The following PPIL1 variants were observed in gnomAD, a reference collection of about 807,000 sequenced individuals.
PPIL1 encodes the protein peptidylprolyl isomerase like 1.
In PPIL1, 14 loss-of-function variants were observed where a neutral mutation model predicts 19.4. The observed-to-expected ratio is 0.72, with a 90% confidence interval of 0.48 to 1.13. PPIL1 has a LOEUF of 1.13. Ranked by LOEUF, PPIL1 falls within the 50% of genes most tolerant of loss-of-function variation. The probability of loss-of-function intolerance (pLI) is 0.00; values close to 1 mark genes in which losing one functional copy is unlikely to be tolerated. For synonymous variants in PPIL1, 72 were observed against 73.6 expected (o/e 0.98, Z 0.11); for missense variants, 192 against 218.0 (o/e 0.88, Z 0.75).
intron 2 of PPIL1, among the ~76,000 whole-genome samples, chr6:36,864,151 C>T (rs892280876): frequency 2.6e-5 from 4 of 151,910 alleles, no homozygotes. Flanking sequence ...TTGCTTCCAG[C>T]CTTGCCTCCC....
intron 2 of PPIL1, among the ~76,000 whole-genome samples, chr6:36,860,427 A>G (rs1343178017): frequency 6.6e-6 from 1 of 151,108 alleles, no homozygotes; most frequent in Non-Finnish European, 1.5e-5. Flanking sequence ...GCGCCATTGC[A>G]CTCCTGTCTG....
At chr6:36,872,639 CCT>C (rs1048467415) in intron 1 of PPIL1, among the ~76,000 whole-genome samples, 162 of 151,948 alleles carry the variant, frequency 1.1e-3, no homozygotes, top group African/African-American at 3.6e-3. Context: ...GAAAGGGTCT[CCT>C]CTGTCACCCA....
At chr6:36,866,818 G>A (rs74906731) in intron 2 of PPIL1, among the ~76,000 whole-genome samples, 1,828 of 152,274 alleles carry the variant, frequency 0.012, 46 homozygotes, top group African/African-American at 0.04. Flanking sequence ...AAAGAAAGTA[G>A]AATGAAGCAG....
intron 1 of PPIL1, among the ~76,000 whole-genome samples, chr6:36,873,472 AG>A (rs1327136520): frequency 6.6e-6 from 1 of 152,366 alleles, no homozygotes; most frequent in East Asian, 1.9e-4. Flanking sequence ...AAAAAACATG[AG>A]AGAGGTTTAT....
chr6:36,869,752 G>T (rs979824394), intron 2 of PPIL1, among the ~76,000 whole-genome samples: 1 of 152,098 alleles, frequency 6.6e-6, no homozygotes, highest in Non-Finnish European at 1.5e-5. Context: ...AATTAAGGTC[G>T]GGGAAAAATA....
At chr6:36,856,170 G>A in intron 3 of PPIL1, 137 bp from the exon 4 acceptor site, 2 of 881,942 alleles carry the variant, frequency 2.3e-6, no homozygotes, top group South Asian at 1.7e-5. Context: ...AACCCCTCAG[G>A]GCAGTCTCTC....
chr6:36,867,878 G>A (rs921136085), intron 2 of PPIL1, among the ~76,000 whole-genome samples: 2 of 152,246 alleles, frequency 1.3e-5, no homozygotes, highest in African/African-American at 2.4e-5. Context: ...TTCCACATAA[G>A]TGGGGAGAAT....
chr6:36,872,487 C>T (rs148619512), intron 1 of PPIL1, among the ~76,000 whole-genome samples: 48 of 152,256 alleles, frequency 3.2e-4, no homozygotes, highest in African/African-American at 1.1e-3. Context: ...TTTGCACCTA[C>T]CCAATAGGAT....
rs1238453611 is a variant in PPIL1, at chr6:36,856,648, C to T, written c.218G>A (p.Gly73Asp). 5 of 1,614,032 alleles carry T rather than the reference C, an allele frequency of 3.1e-6. No individual in the cohort carries two copies. In the African/African-American group the frequency reaches 5.3e-5, roughly 17 times the overall value. ...QGGDPTGTGR[G>D]GASIYGKQFE... is the part of the protein sequence containing the mutation. ...CTGTTTGCCATAGATAGATGCACCA[C>T]CTCGACCTGCCCGATTGGAAGATGA... The change falls in exon 3 of 4, where the codon GGT becomes GAT. Residue 73 changes from glycine (G) to aspartate (D), a missense_variant. Gly to Asp is a moderately conservative substitution (Grantham distance 94). Coordinates refer to ENST00000373699, the MANE Select transcript of PPIL1 (RefSeq NM_016059.5).
chr6:36,874,183 T>A (rs1774582801), intron 1 of PPIL1, among the ~76,000 whole-genome samples: 1 of 152,204 alleles, frequency 6.6e-6, no homozygotes, highest in Non-Finnish European at 1.5e-5. Context: ...TTGCTAAGAT[T>A]AAACTAAATG....
chr6:36,865,341 C>G (rs13205292), intron 2 of PPIL1, among the ~76,000 whole-genome samples: 11,142 of 152,236 alleles, frequency 0.073, 422 homozygotes, highest in South Asian at 0.099. Context: ...GTCTAGGAGT[C>G]TCCATTAACT....
intron 2 of PPIL1, among the ~76,000 whole-genome samples, chr6:36,858,025 C>T (rs1452544928): frequency 1.4e-4 from 21 of 151,490 alleles, no homozygotes; most frequent in Admixed American, 9.2e-4. Context: ...GTCATGAGTT[C>T]GAGACCAGCC....
chr6:36,873,211 T>C (rs1204805086), intron 1 of PPIL1, among the ~76,000 whole-genome samples: 2 of 152,228 alleles, frequency 1.3e-5, no homozygotes, highest in African/African-American at 4.8e-5. Context: ...ACCTCAGTAA[T>C]TTCAACTTCC....
At chr6:36,863,354 C>T (rs1443287356) in intron 2 of PPIL1, among the ~76,000 whole-genome samples, 1 of 152,130 alleles carries the variant, frequency 6.6e-6, no homozygotes, top group African/African-American at 2.4e-5. Flanking sequence ...CATGCTCTCA[C>T]CACCAAAGCC....
intron 2 of PPIL1, among the ~76,000 whole-genome samples, chr6:36,864,980 A>T (rs1473142167): frequency 4.1e-5 from 6 of 145,982 alleles, no homozygotes; most frequent in African/African-American, 1.3e-4. Context: ...TGAATTAACA[A>T]TAAAAAAAAA....
chr6:36,871,126 C>T (rs1200187955), intron 2 of PPIL1, among the ~76,000 whole-genome samples: 1 of 152,212 alleles, frequency 6.6e-6, no homozygotes, highest in East Asian at 1.9e-4. Flanking sequence ...GTTCTCCCCA[C>T]AGTTGCAAGG....
chr6:36,871,675 GAAAAA>G, intron 2 of PPIL1, 38 bp downstream of exon 2: 1 of 1,380,548 alleles, frequency 7.2e-7, no homozygotes. Flanking sequence ...ACGAAAAGGA[GAAAAA>G]AAAAAGAAAA....
intron 2 of PPIL1, among the ~76,000 whole-genome samples, chr6:36,870,619 T>TTTTA (rs913235725): frequency 3.9e-5 from 6 of 152,250 alleles, no homozygotes; most frequent in South Asian, 2.1e-4. Context: ...AGAGTGATCC[T>TTTTA]TTTATTTATT....
intron 2 of PPIL1, among the ~76,000 whole-genome samples, chr6:36,866,695 ACT>A (rs1774399568): frequency 6.6e-6 from 1 of 152,112 alleles, no homozygotes; most frequent in South Asian, 2.1e-4. Flanking sequence ...CTAATCATGG[ACT>A]CTCAGTTCAC....
Sources: gnomAD v4.1 joint callset for allele counts (sites outside exome capture counted in the v4.1 genomes callset) on GRCh38, gnomAD v4.1.1 for gene constraint, MANE v1.5 for transcripts, NCBI Gene and HGNC (gene_info 2026-07-23, HGNC 2026-07-21) for gene names.